AGBL4: variants seen among roughly 807,000 people sequenced by gnomAD.
AGBL4 encodes the protein cytosolic carboxypeptidase 6.
AGBL4 carries 58 observed loss-of-function variants against 66.4 expected under a neutral mutation model. That is an observed-to-expected ratio of 0.87 (90% CI 0.71 to 1.09). The LOEUF is 1.09. Ranked by LOEUF, AGBL4 falls within the 50% of genes least tolerant of loss-of-function variation. The pLI, the probability that AGBL4 is intolerant of heterozygous loss-of-function variation, is 0.00. For synonymous variants in AGBL4, 234 were observed against 222.9 expected (o/e 1.05, Z -0.44); for missense variants, 579 against 631.0 (o/e 0.92, Z 0.88).
chr1:49,311,800 A>G (rs1309499994), intron 3 of AGBL4, among the ~76,000 whole-genome samples: 1 of 152,040 alleles, frequency 6.6e-6, no homozygotes, highest in African/African-American at 2.4e-5. Flanking sequence ...TTTTTAAAAA[A>G]AGAGTAATAA....
At chr1:48,822,405 G>A (rs917021074) in intron 6 of AGBL4, among the ~76,000 whole-genome samples, 2 of 152,170 alleles carry the variant, frequency 1.3e-5, no homozygotes, top group South Asian at 2.1e-4. Flanking sequence ...ATAATATATT[G>A]AGGAAGCAAT....
chr1:48,599,903 G>C (rs1645049724), intron 9 of AGBL4, among the ~76,000 whole-genome samples: 1 of 152,308 alleles, frequency 6.6e-6, no homozygotes, highest in South Asian at 2.1e-4. Flanking sequence ...TGAGGTGTGT[G>C]TAACACCTCT....
chr1:48,642,604 A>C (rs182025722), intron 8 of AGBL4, among the ~76,000 whole-genome samples: 293 of 152,328 alleles, frequency 1.9e-3, no homozygotes, highest in Non-Finnish European at 3.1e-3. Context: ...AGGGTCTGCC[A>C]AGGTTACATG....
chr1:48,624,397 G>A (rs1405017847), intron 9 of AGBL4, among the ~76,000 whole-genome samples: 1 of 152,146 alleles, frequency 6.6e-6, no homozygotes, highest in Non-Finnish European at 1.5e-5. Context: ...ACTAAGTGTT[G>A]GACTCTGCCA....
intron 5 of AGBL4, 126 bp from the exon 6 acceptor site, chr1:48,867,356 G>A: frequency 1.1e-6 from 1 of 937,560 alleles, no homozygotes; most frequent in Non-Finnish European, 1.7e-6. Context: ...ACGGAATGTG[G>A]TACTCACTTC....
chr1:48,869,532 G>A lies in AGBL4; in HGVS notation c.595-2302C>T, dbSNP rs561711208. On this transcript the variant is annotated intron_variant, in intron 5 of 13. Coordinates refer to ENST00000371839, the MANE Select transcript of AGBL4 (RefSeq NM_032785.4). ...TCTAATTAAGAACTATTGCTAAACG[G>A]CAACTCTGTGCCTAGGATTCTTTAA... Among the ~76,000 whole-genome samples, 29 of 152,264 alleles carry A rather than the reference G, an allele frequency of 1.9e-4. No homozygotes were observed. In the South Asian group the frequency reaches 3.5e-3, roughly 18 times the overall value.
intron 2 of AGBL4, among the ~76,000 whole-genome samples, chr1:49,740,920 T>C (rs1041180949): frequency 1.3e-5 from 2 of 152,206 alleles, no homozygotes; most frequent in African/African-American, 4.8e-5. Context: ...GAGAAATTTA[T>C]AGCACTAAAT....
chr1:49,813,113 G>A (rs1645140814), intron 2 of AGBL4, among the ~76,000 whole-genome samples: 2 of 152,032 alleles, frequency 1.3e-5, no homozygotes, highest in South Asian at 4.1e-4. Flanking sequence ...TACTAAAAAA[G>A]AATATCTTAC....
At chr1:49,480,853 T>C (rs1161945729) in intron 3 of AGBL4, among the ~76,000 whole-genome samples, 2 of 152,170 alleles carry the variant, frequency 1.3e-5, no homozygotes, top group East Asian at 3.8e-4. Flanking sequence ...TTTCTGCATA[T>C]GGCTAGCCAG....
At position 49,795,850 on chromosome 1, in the gene AGBL4, A is replaced by G. The variant is rs184219847; in HGVS notation, c.157+55546T>C. ...TATGGAATAAAACCATAAAAAGACT[A>G]GAAGAAAACTTGAGTAAATATTTTT... is the stretch of plus-strand genomic sequence containing the variant. On this transcript the variant is annotated intron_variant, in intron 2 of 13. Coordinates refer to ENST00000371839, the MANE Select transcript of AGBL4 (RefSeq NM_032785.4). Among the ~76,000 whole-genome samples the G allele has an allele frequency of 7.2e-4, 109 of 152,200 alleles. 1 individual carries two copies. Among genetic ancestry groups the G allele is most frequent in the African/African-American group, 2.5e-3 (105 of 41,568 alleles).
intron 6 of AGBL4, among the ~76,000 whole-genome samples, chr1:48,768,488 T>C (rs1184897216): frequency 6.6e-6 from 1 of 152,096 alleles, no homozygotes; most frequent in Non-Finnish European, 1.5e-5. Context: ...AACTTACTAC[T>C]GGGGAAAAAA....
intron 6 of AGBL4, among the ~76,000 whole-genome samples, chr1:48,823,043 G>C (rs149358706): frequency 1.3e-5 from 2 of 152,106 alleles, no homozygotes; most frequent in Non-Finnish European, 2.9e-5. Context: ...AGGACTATTC[G>C]ATAGAAAACA....
chr1:49,954,949 A>G (rs1276702892), intron 1 of AGBL4, among the ~76,000 whole-genome samples: 1 of 151,916 alleles, frequency 6.6e-6, no homozygotes, highest in African/African-American at 2.4e-5. Context: ...TCAAACTAAT[A>G]TTATTTTGGG....
rs989502549 is a variant in AGBL4, at chr1:48,988,750, C to T, written c.594+56834G>A. ...AATTCAATTTAGAAGGCCTTCATAA[C>T]TCTTCACGAAGGCATTCCCAGGCAT... is the stretch of plus-strand genomic sequence containing the variant. On this transcript the variant is annotated intron_variant, in intron 5 of 13. Transcript: ENST00000371839. Among the ~76,000 whole-genome samples, 3 of 152,106 alleles carry T rather than the reference C, an allele frequency of 2.0e-5. No homozygotes were observed. The South Asian group carries it at 6.2e-4, about 32-fold the overall frequency.
In AGBL4 at chr1:48,587,128, TC is replaced by T. The variant is rs1264000161; in HGVS notation, c.1142del (p.Gly381GlufsTer20). ...TSFNRDAVKA[G>X]TGRRFLGGLL... The stretch of plus-strand genomic sequence containing the variant: ...GTCCACCGAGGAAGCGACGGCCAGT[TC>T]CTGCTTTCACAGCGTCCCGGTTAAA... On this transcript the variant is annotated frameshift_variant, in exon 11 of 14. Transcript: ENST00000371839. LOFTEE classifies it high-confidence loss of function. 6.4e-7 allele frequency: 1 copy of T among 1,564,712 alleles called. No individual in the cohort carries two copies. The highest frequency in any genetic ancestry group is 8.7e-7 in the Non-Finnish European group (1 of 1,154,790).
At chr1:49,298,128 C>T (rs564666624) in intron 3 of AGBL4, among the ~76,000 whole-genome samples, 2 of 152,342 alleles carry the variant, frequency 1.3e-5, no homozygotes, top group Non-Finnish European at 2.9e-5. Flanking sequence ...CTGTCCATCT[C>T]TACTACTTCC....
At chr1:48,981,746 G>C (rs375616668) in intron 5 of AGBL4, among the ~76,000 whole-genome samples, 1 of 152,094 alleles carries the variant, frequency 6.6e-6, no homozygotes, top group African/African-American at 2.4e-5. Context: ...TTAGCCAGGC[G>C]TGGTAGTGCG....
intron 6 of AGBL4, chr1:48,776,804 C>A: frequency 1.3e-6 from 2 of 1,522,686 alleles, no homozygotes; most frequent in Non-Finnish European, 1.8e-6. Context: ...CAGACGTTGT[C>A]CTCCAGGAAC....
chr1:49,715,761 G>A (rs1167257984), intron 2 of AGBL4, among the ~76,000 whole-genome samples: 1 of 152,118 alleles, frequency 6.6e-6, no homozygotes, highest in Non-Finnish European at 1.5e-5. Flanking sequence ...TGTCTTCTGA[G>A]AAGTATCTGT....
Sources: allele counts gnomAD v4.1 joint callset (sites outside exome capture counted in the v4.1 genomes callset), GRCh38; gene constraint gnomAD v4.1.1; transcripts MANE v1.5; gene names NCBI Gene and HGNC (gene_info 2026-07-23, HGNC 2026-07-21).